The following FOXN3 variants were observed in gnomAD, a reference collection of about 807,000 sequenced individuals.
The protein encoded by FOXN3 is forkhead box N3, also known as forkhead box protein N3.
FOXN3 carries 7 observed loss-of-function variants against 38.4 expected under a neutral mutation model. That is an observed-to-expected ratio of 0.18 (90% CI 0.10 to 0.34). The LOEUF is 0.34. FOXN3 is among the 10% of genes least tolerant of loss of function. FOXN3 has a pLI of 1.00. For synonymous variants in FOXN3, 230 were observed against 242.2 expected, an observed-to-expected ratio of 0.95 and a Z score of 0.47; for missense variants, 456 against 613.4, an observed-to-expected ratio of 0.74 and a Z score of 2.71.
intron 4 of FOXN3, among the ~76,000 whole-genome samples, chr14:89,272,043 C>A (rs550460331): frequency 6.6e-6 from 1 of 152,346 alleles, no homozygotes; most frequent in Admixed American, 6.5e-5. Flanking sequence ...GGTGCAGTGG[C>A]TCATGCCTGT....
chr14:89,241,875 G>A (rs909176083), intron 4 of FOXN3, among the ~76,000 whole-genome samples: 1 of 152,160 alleles, frequency 6.6e-6, no homozygotes, highest in African/African-American at 2.4e-5. Flanking sequence ...GCAATGGGGG[G>A]CCTCTTCCCC....
At chr14:89,527,392 A>C (rs538517536) in intron 1 of FOXN3, among the ~76,000 whole-genome samples, 5 of 152,372 alleles carry the variant, frequency 3.3e-5, no homozygotes, top group East Asian at 1.9e-4. Flanking sequence ...TGACTTCAAA[A>C]TTAAGAATGT....
chr14:89,223,618 G>C (rs1884539433), intron 4 of FOXN3, among the ~76,000 whole-genome samples: 1 of 152,232 alleles, frequency 6.6e-6, no homozygotes, highest in African/African-American at 2.4e-5. Flanking sequence ...CTTTCAGAAA[G>C]CATCTGATTT....
intron 3 of FOXN3, among the ~76,000 whole-genome samples, chr14:89,342,927 A>G (rs1024272467): frequency 1.3e-5 from 2 of 152,218 alleles, no homozygotes; most frequent in Admixed American, 6.5e-5. Flanking sequence ...GTTGCTTTCA[A>G]GTAAATATAT....
intron 2 of FOXN3, chr14:89,401,709 G>T (rs1331422750): frequency 2.2e-6 from 1 of 454,426 alleles, no homozygotes; most frequent in East Asian, 7.0e-5. Flanking sequence ...CTGCTAGGTG[G>T]GTGTTTTCTG....
intron 2 of FOXN3, 171 bp from the exon 3 acceptor site, chr14:89,350,979 AT>A: frequency 2.3e-6 from 1 of 428,192 alleles, no homozygotes; most frequent in Non-Finnish European, 4.0e-6. Flanking sequence ...ATGCACTTCA[AT>A]CTTACTTGTA....
chr14:89,420,344 G>A (rs1891871091), upstream of FOXN3, among the ~76,000 whole-genome samples: 1 of 152,158 alleles, frequency 6.6e-6, no homozygotes, highest in Non-Finnish European at 1.5e-5. Flanking sequence ...CAAGGGACAT[G>A]GTGAAACATC....
chr14:89,575,440 C>T (rs1895589871), intron 1 of FOXN3, among the ~76,000 whole-genome samples: 3 of 152,080 alleles, frequency 2.0e-5, no homozygotes, highest in Admixed American at 2.0e-4. Flanking sequence ...ACTCAAGCGA[C>T]GGGGGCTGGA....
intron 3 of FOXN3, among the ~76,000 whole-genome samples, chr14:89,340,885 T>C (rs1888595849): frequency 6.6e-6 from 1 of 152,130 alleles, no homozygotes. Flanking sequence ...GTAACTGAAT[T>C]AGTCCCATCA....
intron 1 of FOXN3, among the ~76,000 whole-genome samples, chr14:89,560,863 G>A (rs925756034): frequency 2.0e-5 from 3 of 152,122 alleles, no homozygotes; most frequent in Non-Finnish European, 4.4e-5. Context: ...GTCTCCCTTT[G>A]GTAACTCTGC....
At chr14:89,483,991 T>G (rs1295815147) in intron 1 of FOXN3, among the ~76,000 whole-genome samples, 1 of 152,256 alleles carries the variant, frequency 6.6e-6, no homozygotes, top group Non-Finnish European at 1.5e-5. Context: ...TGTTTTAATT[T>G]GGTGCTGATT....
chr14:89,506,666 G>A (rs7494607), intron 1 of FOXN3, among the ~76,000 whole-genome samples: 9 of 152,154 alleles, frequency 5.9e-5, no homozygotes, highest in African/African-American at 2.2e-4. Context: ...TAACAATCGC[G>A]GTTTTGTGGA....
At chr14:89,384,618 A>G in intron 2 of FOXN3, among the ~76,000 whole-genome samples, 1 of 152,188 alleles carries the variant, frequency 6.6e-6, no homozygotes, top group South Asian at 2.1e-4. Context: ...CAATACCAGG[A>G]ATGAGTCCTA....
At chr14:89,371,566 T>C (rs993898271) in intron 2 of FOXN3, among the ~76,000 whole-genome samples, 2 of 151,896 alleles carry the variant, frequency 1.3e-5, no homozygotes, top group African/African-American at 2.4e-5. Flanking sequence ...CCCCAGTCTA[T>C]ATTATGTACG....
At chr14:89,460,741 A>G (rs1176432382) in intron 1 of FOXN3, among the ~76,000 whole-genome samples, 2 of 152,122 alleles carry the variant, frequency 1.3e-5, no homozygotes, top group Non-Finnish European at 2.9e-5. Flanking sequence ...AAAATAAATG[A>G]AGACAAATGC....
chr14:89,608,733 T>A (rs1027040022), intron 1 of FOXN3, among the ~76,000 whole-genome samples: 1 of 152,146 alleles, frequency 6.6e-6, no homozygotes, highest in Non-Finnish European at 1.5e-5. Context: ...ACATGCACTA[T>A]CATAGGCGAA....
intron 1 of FOXN3, among the ~76,000 whole-genome samples, chr14:89,544,996 A>C (rs946862389): frequency 3.3e-5 from 5 of 152,230 alleles, no homozygotes; most frequent in Middle Eastern, 3.2e-3. Context: ...CTACTTCCAC[A>C]AAAGGTTAAT....
intron 2 of FOXN3, among the ~76,000 whole-genome samples, chr14:89,362,998 A>C (rs1218907755): frequency 6.6e-6 from 1 of 152,124 alleles, no homozygotes; most frequent in Non-Finnish European, 1.5e-5. Flanking sequence ...CCGTTTCCTT[A>C]AGGTGGGGAA....
At chr14:89,345,309 C>A (rs927130589) in intron 3 of FOXN3, among the ~76,000 whole-genome samples, 6 of 150,788 alleles carry the variant, frequency 4.0e-5, no homozygotes, top group Admixed American at 2.0e-4. Flanking sequence ...CAAAAACAAT[C>A]GGGATATCTA....
Sources: allele counts gnomAD v4.1 joint callset (sites outside exome capture counted in the v4.1 genomes callset), GRCh38; gene constraint gnomAD v4.1.1; transcripts MANE v1.5; gene names NCBI Gene and HGNC (gene_info 2026-07-23, HGNC 2026-07-21).